The following MERTK variants were observed in gnomAD, a reference collection of about 807,000 sequenced individuals.
The protein encoded by MERTK is tyrosine-protein kinase Mer.
In MERTK, 69 loss-of-function variants were observed where a neutral mutation model predicts 99.3. The ratio of observed to expected loss-of-function variants is 0.70; its 90% CI spans 0.57 to 0.85. The LOEUF (loss-of-function observed/expected upper bound fraction) is 0.85. MERTK is among the 40% of genes least tolerant of loss of function. MERTK has a pLI of 0.00. For missense variants in MERTK, 1,125 were observed against 1,249.4 expected, an observed-to-expected ratio of 0.90 and a Z score of 1.50; for synonymous variants, 426 against 467.6, an observed-to-expected ratio of 0.91 and a Z score of 1.15.
At chr2:111,977,125 T>C (rs1307890831) in intron 7 of MERTK, among the ~76,000 whole-genome samples, 1 of 152,230 alleles carries the variant, frequency 6.6e-6, no homozygotes, top group African/African-American at 2.4e-5. Context: ...TCTTCATTTT[T>C]TGGTCTTTAT....
intron 1 of MERTK, among the ~76,000 whole-genome samples, chr2:111,919,754 GT>G (rs1684419066): frequency 6.6e-6 from 1 of 151,564 alleles, no homozygotes; most frequent in Non-Finnish European, 1.5e-5. Flanking sequence ...AAGCAGAGAG[GT>G]ACCTCTGCTC....
At chr2:111,941,494 T>G (rs1461962571) in intron 2 of MERTK, among the ~76,000 whole-genome samples, 1 of 152,180 alleles carries the variant, frequency 6.6e-6, no homozygotes, top group Non-Finnish European at 1.5e-5. Flanking sequence ...CCGCGTTTCC[T>G]CTGGAGCTCC....
intron 4 of MERTK, among the ~76,000 whole-genome samples, chr2:111,958,242 T>G (rs1685185089): frequency 6.6e-6 from 1 of 152,096 alleles, no homozygotes; most frequent in African/African-American, 2.4e-5. Context: ...CCCTGGAAAG[T>G]CACAAGGGTT....
rs1205367707 is a variant in MERTK, at chr2:112,028,821, T to C, written c.2957T>C (p.Leu986Ser). ...PLGSSLPDEL[L>S]FADDSSEGSE... is the part of the protein sequence containing the mutation. ...GGAAGCTCATTGCCCGATGAACTTTTGTTTGCTGACGACTCCTCAGAAGGC... is the reference window on the plus strand; with the variant it reads ...GGAAGCTCATTGCCCGATGAACTTTCGTTTGCTGACGACTCCTCAGAAGGC... Residue 986 changes from leucine to serine, a missense_variant, in exon 19 of 19, where the codon TTG (leucine) becomes TCG (serine). Coordinates refer to ENST00000295408, the MANE Select transcript of MERTK (RefSeq NM_006343.3). 3 of 1,614,052 alleles carry C rather than the reference T, an allele frequency of 1.9e-6. No individual in the cohort carries two copies. The highest frequency in any genetic ancestry group is 2.5e-6 in the Non-Finnish European group (3 of 1,180,020).
chr2:111,941,121 GC>G (rs1684859366), intron 2 of MERTK: 1 of 353,094 alleles, frequency 2.8e-6, no homozygotes, highest in Admixed American at 4.2e-5. Flanking sequence ...GGACTTGCAT[GC>G]CTGAAAATGC....
At chr2:111,935,768 A>T (rs1226897936) in intron 2 of MERTK, among the ~76,000 whole-genome samples, 1 of 152,112 alleles carries the variant, frequency 6.6e-6, no homozygotes, top group African/African-American at 2.4e-5. Context: ...ACAATGGCTT[A>T]TAATTGCAAC....
chr2:111,902,867 C>G (rs1684071661), intron 1 of MERTK, among the ~76,000 whole-genome samples: 1 of 145,466 alleles, frequency 6.9e-6, no homozygotes, highest in Non-Finnish European at 1.5e-5. Flanking sequence ...CAACCTCCGC[C>G]TCCCAGGTTC....
At chr2:111,930,894 A>G (rs964812104) in intron 2 of MERTK, among the ~76,000 whole-genome samples, 1 of 151,978 alleles carries the variant, frequency 6.6e-6, no homozygotes, top group East Asian at 1.9e-4. Flanking sequence ...GTTTTTTTGC[A>G]TCAGGACTTC....
Position 111,902,761 on chromosome 2 carries a change from G to A in MERTK, c.61+3965G>A, listed in dbSNP as rs184010127. Among the ~76,000 whole-genome samples the A allele has an allele frequency of 3.6e-3, 536 of 148,838 alleles. 3 individuals carry two copies. Among genetic ancestry groups the A allele is most frequent in the African/African-American group, 0.013 (509 of 40,362 alleles). ...TTCCTGATAATGCTTCTCACAACCTGATCAGTTCCTTCCTTCCTTCCTTCC... is the reference window on the plus strand; with the variant it reads ...TTCCTGATAATGCTTCTCACAACCTAATCAGTTCCTTCCTTCCTTCCTTCC... On this transcript the variant is annotated intron_variant, in intron 1 of 18. Coordinates refer to ENST00000295408, the MANE Select transcript of MERTK (RefSeq NM_006343.3).
intron 6 of MERTK, among the ~76,000 whole-genome samples, chr2:111,969,841 G>A (rs555136902): frequency 1.9e-4 from 29 of 152,028 alleles, no homozygotes; most frequent in African/African-American, 4.8e-4. Context: ...ACAGGCCCCC[G>A]CCACCGCGCC....
intron 7 of MERTK, among the ~76,000 whole-genome samples, chr2:111,977,884 C>A (rs1362948260): frequency 6.6e-6 from 1 of 152,074 alleles, no homozygotes; most frequent in South Asian, 2.1e-4. Flanking sequence ...ATTTTTATCT[C>A]TTTTTTGCAT....
intron 1 of MERTK, among the ~76,000 whole-genome samples, chr2:111,915,801 A>G (rs890056622): frequency 1.3e-5 from 2 of 152,168 alleles, no homozygotes; most frequent in Admixed American, 6.6e-5. Flanking sequence ...GAGCTGAGGC[A>G]GGAGAATCAC....
At position 111,994,438 on chromosome 2, in the gene MERTK, G is replaced by A. The variant is rs765055565; in HGVS notation, c.1450+34G>A. On this transcript the variant is annotated intron_variant, in intron 9 of 18. Coordinates refer to ENST00000295408, the MANE Select transcript of MERTK (RefSeq NM_006343.3). ...TATACCCAGTAAGGGCTGATAGGATGTGATGGTCCAGGCAGTGCACAGATT... is the reference window on the plus strand; with the variant it reads ...TATACCCAGTAAGGGCTGATAGGATATGATGGTCCAGGCAGTGCACAGATT... 1.9e-6 allele frequency: 3 copies of A among 1,613,586 alleles called. No homozygotes were observed. The East Asian group carries it at 6.7e-5, about 36-fold the overall frequency.
chr2:111,910,618 A>G (rs879723387), intron 1 of MERTK, among the ~76,000 whole-genome samples: 27 of 108,218 alleles, frequency 2.5e-4, no homozygotes, highest in Admixed American at 5.6e-4. Context: ...GTGTATATAT[A>G]TATATATATA....
chr2:112,014,595 A>G (rs529830694), intron 15 of MERTK, among the ~76,000 whole-genome samples: 2 of 152,110 alleles, frequency 1.3e-5, no homozygotes, highest in East Asian at 1.9e-4. Flanking sequence ...AGTTTTGTCT[A>G]TTCAAGAATG....
chr2:111,966,203 A>C (rs563609700), intron 5 of MERTK, among the ~76,000 whole-genome samples: 1 of 152,308 alleles, frequency 6.6e-6, no homozygotes, highest in East Asian at 1.9e-4. Flanking sequence ...GTGCAAGGAA[A>C]AAGGAGAACT....
At chr2:112,019,561 AT>A (rs1376467053) in intron 16 of MERTK, 39 bp downstream of exon 16, 1 of 1,483,828 alleles carries the variant, frequency 6.7e-7, no homozygotes, top group African/African-American at 1.4e-5. Flanking sequence ...TTTGGACCTC[AT>A]GGTGTTTGGT....
chr2:111,930,542 C>T (rs1192221391), intron 2 of MERTK: 3 of 152,408 alleles, frequency 2.0e-5, no homozygotes, highest in African/African-American at 7.2e-5. Context: ...CTGCCTTCCA[C>T]CTCTCCCCAC....
At chr2:111,912,395 G>A (rs1340078577) in intron 1 of MERTK, among the ~76,000 whole-genome samples, 1 of 152,078 alleles carries the variant, frequency 6.6e-6, no homozygotes, top group Non-Finnish European at 1.5e-5. Context: ...TCTATTGTGA[G>A]GTTTCCTTTG....
Sources: allele counts gnomAD v4.1 joint callset (sites outside exome capture counted in the v4.1 genomes callset), GRCh38; gene constraint gnomAD v4.1.1; transcripts MANE v1.5; gene names NCBI Gene and HGNC (gene_info 2026-07-23, HGNC 2026-07-21).